The following GABRA3 variants were observed in gnomAD, a reference collection of about 807,000 sequenced individuals.
GABRA3 encodes gamma-aminobutyric acid receptor subunit alpha-3.
GABRA3 carries 10 observed loss-of-function variants against 30.1 expected under a neutral mutation model. That is an observed-to-expected ratio of 0.33 (90% confidence interval 0.20 to 0.56). GABRA3 has a LOEUF of 0.56. GABRA3 is among the 20% of genes least tolerant of loss of function. The pLI is 0.89. For missense variants in GABRA3, 233 were observed against 392.0 expected (o/e 0.59, Z 3.42); for synonymous variants, 151 against 146.8 (o/e 1.03, Z -0.21).
intron 3 of GABRA3, among the ~76,000 whole-genome samples, chrX:152,286,644 G>A (rs1005579809): frequency 4.5e-5 from 5 of 111,384 alleles, no homozygotes; most frequent in South Asian, 7.5e-4. Context: ...TTTAGCTCTC[G>A]TTGATTTCTC....
intron 1 of GABRA3, among the ~76,000 whole-genome samples, chrX:152,416,589 A>C (rs1930226429): frequency 9.0e-6 from 1 of 110,755 alleles, no homozygotes; most frequent in Non-Finnish European, 1.9e-5. Flanking sequence ...AAAAGAACAA[A>C]GCTGGAGGCA....
chrX:152,262,401 T>C (rs1342553512), intron 4 of GABRA3, among the ~76,000 whole-genome samples: 1 of 112,556 alleles, frequency 8.9e-6, no homozygotes, highest in Non-Finnish European at 1.9e-5. Flanking sequence ...CAAACTTTTA[T>C]GCTCTGTCAC....
At chrX:152,381,977 T>C (rs1929157315) in intron 1 of GABRA3, among the ~76,000 whole-genome samples, 2 of 111,748 alleles carry the variant, frequency 1.8e-5, no homozygotes, top group African/African-American at 6.5e-5. Flanking sequence ...TGGTTCCAAG[T>C]CTTTGCTAAC....
intron 1 of GABRA3, among the ~76,000 whole-genome samples, chrX:152,421,177 G>A (rs1358898132): frequency 3.7e-5 from 4 of 108,937 alleles, no homozygotes; most frequent in African/African-American, 1.3e-4. Context: ...CGTTATATAG[G>A]TACAGTAAGT....
chrX:152,361,278 T>C (rs1370406734), intron 2 of GABRA3, among the ~76,000 whole-genome samples: 1 of 109,720 alleles, frequency 9.1e-6, no homozygotes, highest in Non-Finnish European at 1.9e-5. Flanking sequence ...CAAACCATTG[T>C]AAAGAGGACA....
intron 2 of GABRA3, 46 bp from the exon 3 acceptor site, chrX:152,345,748 G>GA (rs752270920): frequency 1.1e-5 from 12 of 1,090,973 alleles, no homozygotes; most frequent in South Asian, 4.6e-5. Context: ...TTCTTAATAG[G>GA]AAAAAAAATA....
intron 9 of GABRA3, among the ~76,000 whole-genome samples, chrX:152,170,310 G>A (rs771209398): frequency 1.8e-5 from 2 of 112,180 alleles, no homozygotes; most frequent in East Asian, 5.6e-4. Flanking sequence ...ACAGGCCAAG[G>A]ACACTTTATT....
At chrX:152,411,292 G>T (rs1930065697) in intron 1 of GABRA3, among the ~76,000 whole-genome samples, 1 of 111,099 alleles carries the variant, frequency 9.0e-6, no homozygotes, top group African/African-American at 3.3e-5. Flanking sequence ...TCAAGCCTGG[G>T]TGACAGAGTG....
chrX:152,190,029 G>A, intron 8 of GABRA3, 88 bp from the exon 9 acceptor site: 1 of 672,346 alleles, frequency 1.5e-6, no homozygotes, highest in Non-Finnish European at 2.2e-6. Context: ...TTTGAAAGGA[G>A]AAGCTTTACC....
rs1277044284 is a variant in GABRA3 at position 152,368,836 on chromosome X, G to C, written c.-26-4240C>G. 3.8e-5 allele frequency among the ~76,000 whole-genome samples: 4 copies of C among 106,327 alleles called. 1 individual carries two copies. The highest frequency in any genetic ancestry group is 1.4e-4 in the African/African-American group (4 of 29,074). 92.3% of individuals were successfully genotyped at this position (106,327 alleles called of 115,157 possible). A position where few individuals can be genotyped will look rare whatever the true frequency, so the allele number is the denominator to read the frequency against. ...TTCTCCTGCCTCAGCCTCCCGAGTA[G>C]CTGGGACTACAGGCACCGGCCACCA... is the stretch of plus-strand genomic sequence containing the variant. On this transcript the variant is annotated intron_variant, in intron 1 of 9. Coordinates refer to ENST00000370314, the MANE Select transcript of GABRA3 (RefSeq NM_000808.4).
At chrX:152,289,768 T>C (rs1939368194) in intron 3 of GABRA3, among the ~76,000 whole-genome samples, 1 of 110,809 alleles carries the variant, frequency 9.0e-6, no homozygotes, top group Non-Finnish European at 1.9e-5. Context: ...CATGTGGTGT[T>C]TGGTTTTCTG....
At chrX:152,447,846 T>C (rs917550359) in intron 1 of GABRA3, among the ~76,000 whole-genome samples, 25 of 111,908 alleles carry the variant, frequency 2.2e-4, no homozygotes, top group African/African-American at 7.5e-4. Flanking sequence ...GCAGGTAGCC[T>C]AGACCAGTGC....
chrX:152,287,350 T>C (rs1466749851), intron 3 of GABRA3, among the ~76,000 whole-genome samples: 1 of 111,046 alleles, frequency 9.0e-6, no homozygotes, highest in Admixed American at 9.7e-5. Context: ...AATTCCCATG[T>C]GTCAAGGCGG....
chrX:152,282,765 G>A (rs1047394218), intron 4 of GABRA3, among the ~76,000 whole-genome samples: 12 of 111,710 alleles, frequency 1.1e-4, no homozygotes, highest in Admixed American at 4.8e-4. Context: ...TCCTTCTCTG[G>A]TATGCCTGGG....
At chrX:152,194,338 C>T (rs1317669405) in intron 8 of GABRA3, among the ~76,000 whole-genome samples, 3 of 111,430 alleles carry the variant, frequency 2.7e-5, no homozygotes, top group Admixed American at 9.6e-5. Flanking sequence ...ACATCTTTTG[C>T]CCATTTTAAA....
intron 6 of GABRA3, among the ~76,000 whole-genome samples, chrX:152,213,799 G>A (rs1239198108): frequency 8.9e-6 from 1 of 111,761 alleles, no homozygotes; most frequent in Non-Finnish European, 1.9e-5. Flanking sequence ...AAAATCCAAG[G>A]ATTCTCCAGA....
At chrX:152,390,607 A>G (rs933457836) in intron 1 of GABRA3, among the ~76,000 whole-genome samples, 1 of 111,806 alleles carries the variant, frequency 8.9e-6, no homozygotes, top group African/African-American at 3.2e-5. Context: ...TATAGATGAC[A>G]TCAAGGCAAA....
At chrX:152,337,256 A>G (rs1417600023) in intron 3 of GABRA3, among the ~76,000 whole-genome samples, 4 of 111,488 alleles carry the variant, frequency 3.6e-5, no homozygotes, top group Non-Finnish European at 7.5e-5. Context: ...ATAGAAATAC[A>G]TCATTGTAAA....
chrX:152,319,997 G>A (rs758617090), intron 3 of GABRA3, among the ~76,000 whole-genome samples: 10 of 111,236 alleles, frequency 9.0e-5, no homozygotes, highest in African/African-American at 3.3e-4. Context: ...AATGATCAGG[G>A]AAATGCAAAT....
Sources: allele counts gnomAD v4.1 joint callset (sites outside exome capture counted in the v4.1 genomes callset), GRCh38; gene constraint gnomAD v4.1.1; transcripts MANE v1.5; gene names NCBI Gene and HGNC (gene_info 2026-07-23, HGNC 2026-07-21).